Variants in BRCA1 observed in about 807,000 individuals in gnomAD.
The protein encoded by BRCA1 is breast cancer type 1 susceptibility protein.
Under a neutral mutation model 173.7 loss-of-function variants are expected in BRCA1, and 140 were observed. The observed-to-expected ratio is 0.81, with a 90% CI of 0.70 to 0.93. The LOEUF is 0.93. BRCA1 is among the 40% of genes least tolerant of loss of function. The pLI is 0.00. For synonymous variants in BRCA1, 662 were observed against 756.0 expected, an observed-to-expected ratio of 0.88 and a Z score of 2.04; for missense variants, 1,983 against 2,172.5, an observed-to-expected ratio of 0.91 and a Z score of 1.73.
chr17:43,071,921 T>C (rs1310591997), intron 14 of BRCA1, among the ~76,000 whole-genome samples: 1 of 151,314 alleles, frequency 6.6e-6, no homozygotes, highest in Non-Finnish European at 1.5e-5. Flanking sequence ...GGCAGGGGAA[T>C]GGCGTGTACC....
At chr17:43,056,835 C>A (rs1181447075) in intron 19 of BRCA1, among the ~76,000 whole-genome samples, 1 of 152,200 alleles carries the variant, frequency 6.6e-6, no homozygotes, top group Non-Finnish European at 1.5e-5. Context: ...ATTACACAGC[C>A]TCTCTAAATC....
chr17:43,094,511 T>A lies in BRCA1; in HGVS notation c.1020A>T (p.Val340=). The A allele has an allele frequency of 6.2e-7, 1 of 1,614,074 alleles. No individual in the cohort carries two copies. Among genetic ancestry groups the A allele is most frequent in the South Asian group, 1.1e-5 (1 of 91,080 alleles). The stretch of plus-strand genomic sequence containing the variant: ...CACACAGGGGATCAGCATTCAGATC[T>A]ACCTTTTTTTCTGTGCTGGGAGTCC... ...DRRTPSTEKK[V]DLNADPLCER... Residue 340 remains valine, a synonymous_variant, in exon 10 of 23, where the codon GTA becomes GTT. Coordinates refer to ENST00000357654, the MANE Select transcript of BRCA1 (RefSeq NM_007294.4).
chr17:43,047,718 A>G lies in BRCA1; in HGVS notation c.5407-15T>C, dbSNP rs1482222810. 6.2e-7 allele frequency: 1 copy of G among 1,613,922 alleles called. No homozygotes were observed. The highest frequency in any genetic ancestry group is 1.7e-5 in the Admixed American group (1 of 60,012). ...GGGTGGACACCCTGGATCCCCAGGAAGGAAAGAGCATTCAAAGTGTCAAAG... is the reference window on the plus strand; with the variant it reads ...GGGTGGACACCCTGGATCCCCAGGAGGGAAAGAGCATTCAAAGTGTCAAAG... On this transcript the variant is annotated splice_polypyrimidine_tract_variant and intron_variant, in intron 21 of 22. Coordinates refer to ENST00000357654, the MANE Select transcript of BRCA1 (RefSeq NM_007294.4).
At chr17:43,054,637 T>TA (rs2051383913) in intron 19 of BRCA1, among the ~76,000 whole-genome samples, 1 of 152,110 alleles carries the variant, frequency 6.6e-6, no homozygotes, top group South Asian at 2.1e-4. Flanking sequence ...GACAGGGTCT[T>TA]ACTATGTTGC....
intron 1 of BRCA1, among the ~76,000 whole-genome samples, chr17:43,146,821 C>T (rs2056125219): frequency 6.6e-6 from 1 of 152,222 alleles, no homozygotes; most frequent in South Asian, 2.1e-4. Context: ...GAGATCTTCT[C>T]TGTTGGGGAT....
intron 12 of BRCA1, among the ~76,000 whole-genome samples, chr17:43,081,073 G>A (rs926011081): frequency 3.9e-5 from 6 of 151,948 alleles, no homozygotes; most frequent in Non-Finnish European, 7.4e-5. Context: ...ATAAACACAC[G>A]TATATACCAA....
chr17:43,162,715 G>A (rs2056243987), intron 1 of BRCA1: 1 of 152,174 alleles, frequency 6.6e-6, no homozygotes, highest in Non-Finnish European at 1.5e-5. Context: ...CAAATTTTAA[G>A]GAAAATGAGT....
chr17:43,082,988 G>C (rs568238249), intron 11 of BRCA1, among the ~76,000 whole-genome samples: 1 of 152,066 alleles, frequency 6.6e-6, no homozygotes, highest in Non-Finnish European at 1.5e-5. Flanking sequence ...AGACATTTAG[G>C]TTAGTTCATA....
chr17:43,045,852 A>T (rs780019315), intron 22 of BRCA1, 50 bp from the exon 23 acceptor site: 1 of 1,613,064 alleles, frequency 6.2e-7, no homozygotes, highest in Non-Finnish European at 8.5e-7. Context: ...ATTCTCCTGG[A>T]CTAGGCTCTA....
chr17:43,139,997 G>A (rs377118165), intron 1 of BRCA1: 140 of 460,788 alleles, frequency 3.0e-4, no homozygotes, highest in Non-Finnish European at 5.8e-4. Flanking sequence ...TTCTCATGAG[G>A]TGACTCTTGG....
intron 1 of BRCA1, among the ~76,000 whole-genome samples, chr17:43,131,720 C>CA (rs869203377): frequency 1.4e-3 from 189 of 132,752 alleles, no homozygotes; most frequent in Middle Eastern, 3.9e-3. Context: ...GACTCCGTCT[C>CA]AAAAAAAAAA....
At chr17:43,079,306 C>T (rs543238533) in intron 12 of BRCA1, 69 of 1,558,942 alleles carry the variant, frequency 4.4e-5, no homozygotes, top group Non-Finnish European at 5.6e-5. Context: ...GCCAAAATGA[C>T]GAACACAAAG....
chr17:43,082,641 T>C, intron 11 of BRCA1, 66 bp from the exon 12 acceptor site: 1 of 1,538,656 alleles, frequency 6.5e-7, no homozygotes. Flanking sequence ...TAAATGAAAA[T>C]ATATCATACA....
At chr17:43,140,217 G>A (rs1375578906) in intron 1 of BRCA1, 4 of 265,788 alleles carry the variant, frequency 1.5e-5, no homozygotes, top group East Asian at 1.0e-4. Flanking sequence ...GGAGGATGGT[G>A]CACCCCAACT....
At chr17:43,120,665 C>G (rs1324402432) in intron 2 of BRCA1, among the ~76,000 whole-genome samples, 1 of 151,812 alleles carries the variant, frequency 6.6e-6, no homozygotes, top group Admixed American at 6.6e-5. Context: ...CTTGGGGGGC[C>G]GAGGCAGGAG....
At chr17:43,124,357 T>A (rs774731955) in intron 1 of BRCA1, among the ~76,000 whole-genome samples, 5 of 152,200 alleles carry the variant, frequency 3.3e-5, no homozygotes, top group South Asian at 4.1e-4. Context: ...GGTCTTTTCC[T>A]TTCTCCAAGA....
intron 3 of BRCA1, among the ~76,000 whole-genome samples, chr17:43,110,112 T>C (rs772888465): frequency 6.6e-6 from 1 of 151,982 alleles, no homozygotes; most frequent in African/African-American, 2.4e-5. Context: ...GCCAGGATGG[T>C]CTCGATCTCC....
chr17:43,049,238 T>C lies in BRCA1; in HGVS notation c.5333-44A>G, dbSNP rs971529039. On this transcript the variant is annotated intron_variant, in intron 20 of 22. Coordinates refer to ENST00000357654, the MANE Select transcript of BRCA1 (RefSeq NM_007294.4). Reference sequence around the variant, plus strand: ...TGTAAAATCACTGCAGTAATCTGCATACTTAACCCAGGCCCTCTACCCTAC... The same window carrying C: ...TGTAAAATCACTGCAGTAATCTGCACACTTAACCCAGGCCCTCTACCCTAC... The C allele has an allele frequency of 1.9e-6, 3 of 1,567,810 alleles. No homozygotes were observed. In the African/African-American group the frequency reaches 4.1e-5, roughly 21 times the overall value.
intron 22 of BRCA1, among the ~76,000 whole-genome samples, chr17:43,046,297 C>G (rs1324161006): frequency 2.1e-5 from 3 of 140,144 alleles, no homozygotes. Flanking sequence ...ATGGCACGAT[C>G]TCAGCTCACT....
Sources: allele counts gnomAD v4.1 joint callset (sites outside exome capture counted in the v4.1 genomes callset), GRCh38; gene constraint gnomAD v4.1.1; transcripts MANE v1.5; gene names NCBI Gene and HGNC (gene_info 2026-07-23, HGNC 2026-07-21).